The following RPS6KC1 variants were observed in gnomAD, a reference collection of about 807,000 sequenced individuals.
RPS6KC1 encodes ribosomal protein S6 kinase C1, also known as inactive ribosomal protein S6 kinase delta-1.
A neutral mutation model predicts 103.8 loss-of-function variants in RPS6KC1; 54 were observed. The ratio of observed to expected loss-of-function variants is 0.52; its 90% CI spans 0.42 to 0.65. The LOEUF is 0.65. Among genes scored for constraint, RPS6KC1 ranks in the 30% least tolerant of loss-of-function variants. The pLI is 0.00. For missense variants in RPS6KC1, 1,151 were observed against 1,253.8 expected, an observed-to-expected ratio of 0.92 and a Z score of 1.24; for synonymous variants, 439 against 438.7, an observed-to-expected ratio of 1.00 and a Z score of -0.01.
chr1:213,378,238 T>G, the RPS6KC1 span, among the ~76,000 whole-genome samples: 1 of 152,258 alleles, frequency 6.6e-6, no homozygotes, highest in African/African-American at 2.4e-5. Context: ...AATAGAGTTC[T>G]AGAATAACTG....
At chr1:213,778,613 A>G in the RPS6KC1 span, among the ~76,000 whole-genome samples, 1 of 151,914 alleles carries the variant, frequency 6.6e-6, no homozygotes, top group African/African-American at 2.4e-5. Context: ...GTAAACACAA[A>G]CTTCTTCATT....
At chr1:213,508,548 G>T in the RPS6KC1 span, among the ~76,000 whole-genome samples, 6 of 152,294 alleles carry the variant, frequency 3.9e-5, no homozygotes, top group Admixed American at 3.9e-4. Flanking sequence ...GTGTGTGTAT[G>T]TGTGTGTGTT....
chr1:213,601,221 A>G, the RPS6KC1 span, among the ~76,000 whole-genome samples: 3 of 151,772 alleles, frequency 2.0e-5, no homozygotes, highest in Admixed American at 1.3e-4. Context: ...TTTGATTTAA[A>G]TGTTTGTGTG....
intron 6 of RPS6KC1, among the ~76,000 whole-genome samples, chr1:213,149,908 G>A (rs2088443073): frequency 6.6e-6 from 1 of 152,078 alleles, no homozygotes; most frequent in African/African-American, 2.4e-5. Context: ...GACCTTGTTT[G>A]TCTCTTCTTA....
the RPS6KC1 span, among the ~76,000 whole-genome samples, chr1:213,740,607 A>G: frequency 1.3e-5 from 2 of 151,694 alleles, no homozygotes; most frequent in South Asian, 2.1e-4. Context: ...AGCCTCATAT[A>G]TATACATATA....
At chr1:213,741,121 AATTG>A in the RPS6KC1 span, among the ~76,000 whole-genome samples, 148 of 150,266 alleles carry the variant, frequency 9.8e-4, 1 homozygote, top group African/African-American at 3.4e-3. Context: ...ATCTTTTTCT[AATTG>A]ATAGGTAATA....
intron 1 of RPS6KC1, among the ~76,000 whole-genome samples, chr1:213,062,841 TCG>T (rs2077974849): frequency 2.0e-5 from 3 of 152,140 alleles, no homozygotes; most frequent in Non-Finnish European, 4.4e-5. Flanking sequence ...GCGTGAGCCA[TCG>T]CATCCGGGCA....
chr1:213,219,180 C>T (rs533288157), intron 8 of RPS6KC1, among the ~76,000 whole-genome samples: 103 of 152,254 alleles, frequency 6.8e-4, no homozygotes, highest in African/African-American at 2.4e-3. Context: ...AATGTAACCC[C>T]ATCAACAAGT....
Position 213,133,643 on chromosome 1 carries a change from G to T in RPS6KC1, c.835+3754G>T, listed in dbSNP as rs145538547. Among the ~76,000 whole-genome samples the T allele has an allele frequency of 1.4e-4, 21 of 152,242 alleles. No homozygotes were observed. The East Asian group carries it at 4.1e-3, about 29-fold the overall frequency. ...ATCATGAATTACAGAGTCGATTTGAGAGCTGGTTTTGTGTAGTTTGTTCCA... is the reference window on the plus strand; with the variant it reads ...ATCATGAATTACAGAGTCGATTTGATAGCTGGTTTTGTGTAGTTTGTTCCA... On this transcript the variant is annotated intron_variant, in intron 6 of 14. Coordinates refer to ENST00000366960, the MANE Select transcript of RPS6KC1 (RefSeq NM_012424.6).
At chr1:213,649,602 C>T in the RPS6KC1 span, among the ~76,000 whole-genome samples, 3 of 152,284 alleles carry the variant, frequency 2.0e-5, no homozygotes, top group African/African-American at 7.2e-5. Context: ...CTCCCCCGCC[C>T]ACCAGGTAGA....
At chr1:213,660,047 G>A in the RPS6KC1 span, among the ~76,000 whole-genome samples, 1 of 152,190 alleles carries the variant, frequency 6.6e-6, no homozygotes, top group Non-Finnish European at 1.5e-5. Context: ...AGAACAAGCT[G>A]TCTCAGGTGT....
At chr1:213,459,650 T>C in the RPS6KC1 span, among the ~76,000 whole-genome samples, 2 of 152,222 alleles carry the variant, frequency 1.3e-5, no homozygotes, top group Non-Finnish European at 2.9e-5. Context: ...GTGTTTGCTC[T>C]TGCTTCTCTA....
At chr1:213,149,138 C>T (rs1037578326) in intron 6 of RPS6KC1, among the ~76,000 whole-genome samples, 1 of 151,952 alleles carries the variant, frequency 6.6e-6, no homozygotes, top group Non-Finnish European at 1.5e-5. Flanking sequence ...TTTCACTCAT[C>T]ATCTGTATTA....
At chr1:213,773,123 G>A in the RPS6KC1 span, among the ~76,000 whole-genome samples, 7 of 152,246 alleles carry the variant, frequency 4.6e-5, no homozygotes, top group Non-Finnish European at 1.0e-4. Flanking sequence ...TCTTTTATAG[G>A]GGCAGGGAGC....
At chr1:213,516,745 A>G in the RPS6KC1 span, among the ~76,000 whole-genome samples, 1 of 152,212 alleles carries the variant, frequency 6.6e-6, no homozygotes, top group Non-Finnish European at 1.5e-5. Context: ...GCCTCATAAA[A>G]TGAGTTAGGG....
chr1:213,765,290 C>T, the RPS6KC1 span, among the ~76,000 whole-genome samples: 19 of 152,278 alleles, frequency 1.2e-4, no homozygotes, highest in African/African-American at 4.1e-4. Context: ...AATTCCATAG[C>T]GCCCCTAAGA....
the RPS6KC1 span, among the ~76,000 whole-genome samples, chr1:213,599,209 G>T: frequency 2.6e-4 from 40 of 152,294 alleles, no homozygotes; most frequent in South Asian, 8.3e-3. Flanking sequence ...GTTATAAACA[G>T]CTCTATTCTA....
intron 3 of RPS6KC1, among the ~76,000 whole-genome samples, chr1:213,089,746 G>A (rs2080794864): frequency 6.6e-6 from 1 of 152,326 alleles, no homozygotes; most frequent in South Asian, 2.1e-4. Flanking sequence ...ACAGGCGTGA[G>A]CCACCGCGCC....
chr1:213,053,673 G>A (rs1366551591), intron 1 of RPS6KC1, among the ~76,000 whole-genome samples: 1 of 152,142 alleles, frequency 6.6e-6, no homozygotes, highest in African/African-American at 2.4e-5. Flanking sequence ...GTTGAAAGAG[G>A]GGAAGAATCC....
Sources: gnomAD v4.1 joint callset for allele counts (sites outside exome capture counted in the v4.1 genomes callset) on GRCh38, gnomAD v4.1.1 for gene constraint, MANE v1.5 for transcripts, NCBI Gene and HGNC (gene_info 2026-07-23, HGNC 2026-07-21) for gene names.